The following ASPRV1 variants were observed in gnomAD, a reference collection of about 807,000 sequenced individuals.
The protein encoded by ASPRV1 is aspartic peptidase retroviral like 1, also known as retroviral-like aspartic protease 1.
Under a neutral mutation model 11.0 loss-of-function variants are expected in ASPRV1, and 7 were observed. The ratio of observed to expected loss-of-function variants is 0.64; its 90% CI spans 0.36 to 1.20. ASPRV1 has a LOEUF of 1.20. Ranked by LOEUF, ASPRV1 falls within the 50% of genes most tolerant of loss-of-function variation. ASPRV1 has a pLI of 0.02. For missense variants in ASPRV1, 299 were observed against 320.0 expected (o/e 0.93, Z 0.50); for synonymous variants, 136 against 138.4 (o/e 0.98, Z 0.12).
At chr2:70,005,974 C>A in the ASPRV1 span, among the ~76,000 whole-genome samples, 1 of 152,180 alleles carries the variant, frequency 6.6e-6, no homozygotes, top group African/African-American at 2.4e-5. Context: ...CAGGGTTTCT[C>A]AATGTTAGCA....
the ASPRV1 span, among the ~76,000 whole-genome samples, chr2:70,034,014 C>T: frequency 1.3e-5 from 2 of 151,502 alleles, no homozygotes; most frequent in Admixed American, 6.6e-5. Context: ...ATTAGCCGGG[C>T]GAGGTGGTGG....
chr2:70,073,278 A>G, the ASPRV1 span: 1 of 152,202 alleles, frequency 6.6e-6, no homozygotes, highest in South Asian at 2.1e-4. Context: ...TTCAGCTCCA[A>G]GAGTTTTTAT....
the ASPRV1 span, among the ~76,000 whole-genome samples, chr2:69,937,756 A>G: frequency 6.6e-6 from 1 of 152,194 alleles, no homozygotes. Flanking sequence ...CTGGGATTAC[A>G]GGCACACACC....
At chr2:70,028,725 C>T in the ASPRV1 span, 17 of 152,242 alleles carry the variant, frequency 1.1e-4, no homozygotes, top group African/African-American at 3.9e-4. Context: ...AAGTCTGGCC[C>T]CCTCCTCCCT....
At chr2:70,054,537 A>T in the ASPRV1 span, among the ~76,000 whole-genome samples, 2 of 152,012 alleles carry the variant, frequency 1.3e-5, no homozygotes, top group African/African-American at 4.8e-5. Flanking sequence ...AGATCGCGCC[A>T]CTGCACTCCA....
At chr2:69,962,804 C>T (rs551366647), upstream of ASPRV1, 9 of 177,386 alleles carry the variant, frequency 5.1e-5, no homozygotes, top group African/African-American at 2.1e-4. Context: ...ACAAGTCTGC[C>T]TCTTGCTATG....
the ASPRV1 span, among the ~76,000 whole-genome samples, chr2:69,974,337 CA>C: frequency 7.2e-3 from 1,042 of 144,446 alleles, 15 homozygotes; most frequent in Non-Finnish European, 7.9e-3. Context: ...AACTCCATCT[CA>C]AAAAAAAAAA....
the ASPRV1 span, among the ~76,000 whole-genome samples, chr2:70,065,390 CAAAAA>C: frequency 9.5e-5 from 5 of 52,734 alleles, no homozygotes; most frequent in Admixed American, 6.5e-4. Flanking sequence ...GACACCATCT[CAAAAA>C]AAAAAAAAAA....
the ASPRV1 span, chr2:69,995,416 C>T: frequency 6.6e-6 from 1 of 151,706 alleles, no homozygotes; most frequent in Non-Finnish European, 1.5e-5. Context: ...ACTTTTGCTT[C>T]AGTGCTATGT....
the ASPRV1 span, among the ~76,000 whole-genome samples, chr2:70,035,819 G>C: frequency 1.3e-5 from 2 of 151,570 alleles, no homozygotes; most frequent in Admixed American, 6.6e-5. Flanking sequence ...AAATACACAA[G>C]TGGAGGTACC....
chr2:70,050,950 A>C, the ASPRV1 span: 2 of 151,550 alleles, frequency 1.3e-5, no homozygotes, highest in African/African-American at 4.8e-5. Context: ...CTCTAAAAGA[A>C]AAAAAAAAGT....
At chr2:70,081,023 T>G in the ASPRV1 span, 34,294 of 151,808 alleles carry the variant, frequency 0.23, 6,931 homozygotes, top group African/African-American at 0.51. Context: ...CTCCTGCCTC[T>G]GCGCCCAAAG....
chr2:69,967,150 ATACT>A, the ASPRV1 span, among the ~76,000 whole-genome samples: 1 of 152,212 alleles, frequency 6.6e-6, no homozygotes, highest in African/African-American at 2.4e-5. Context: ...AATTCCATAC[ATACT>A]TACTGAGGCC....
the ASPRV1 span, among the ~76,000 whole-genome samples, chr2:70,034,036 C>G: frequency 6.6e-6 from 1 of 151,348 alleles, no homozygotes; most frequent in Non-Finnish European, 1.5e-5. Context: ...CGCCTGTAGT[C>G]CCAGCTACAC....
chr2:70,071,126 G>T, the ASPRV1 span, among the ~76,000 whole-genome samples: 1 of 152,192 alleles, frequency 6.6e-6, no homozygotes, highest in African/African-American at 2.4e-5. Context: ...ATGATTACAA[G>T]AGTAGGAGAC....
the ASPRV1 span, among the ~76,000 whole-genome samples, chr2:70,062,473 CT>C: frequency 1.3e-5 from 2 of 152,174 alleles, no homozygotes; most frequent in East Asian, 1.9e-4. Flanking sequence ...CCAGCGCCCC[CT>C]CTCTCACCCT....
At chr2:70,039,079 C>CAA in the ASPRV1 span, among the ~76,000 whole-genome samples, 17 of 66,118 alleles carry the variant, frequency 2.6e-4, no homozygotes, top group South Asian at 1.0e-3. Flanking sequence ...AACTCCATCT[C>CAA]AAAAAAAAAA....
the ASPRV1 span, chr2:69,937,335 G>GT: frequency 6.2e-7 from 1 of 1,614,168 alleles, no homozygotes; most frequent in Non-Finnish European, 8.5e-7. Context: ...GGCATTGAGA[G>GT]GATCCGGATG....
the ASPRV1 span, among the ~76,000 whole-genome samples, chr2:70,020,833 T>C: frequency 6.6e-6 from 1 of 152,124 alleles, no homozygotes; most frequent in African/African-American, 2.4e-5. Context: ...CAGAGGGTAC[T>C]AGTGGTGATC....
Sources: gnomAD v4.1 joint callset for allele counts (sites outside exome capture counted in the v4.1 genomes callset) on GRCh38, gnomAD v4.1.1 for gene constraint, MANE v1.5 for transcripts, NCBI Gene and HGNC (gene_info 2026-07-23, HGNC 2026-07-21) for gene names.